The following MYH10 variants were observed in gnomAD, a reference collection of about 807,000 sequenced individuals.
MYH10 encodes the protein myosin-10.
MYH10 carries 55 observed loss-of-function variants against 257.8 expected under a neutral mutation model. That is an observed-to-expected ratio of 0.21 (90% CI 0.17 to 0.27). The LOEUF (loss-of-function observed/expected upper bound fraction) is 0.27, where lower values mean the gene tolerates loss of function less well. Ranked by LOEUF, MYH10 falls within the 10% of genes least tolerant of loss-of-function variation. The probability of loss-of-function intolerance (pLI) is 1.00; values close to 1 mark genes in which losing one functional copy is unlikely to be tolerated. For missense variants in MYH10, 1,631 were observed against 2,500.6 expected (o/e 0.65, Z 7.42); for synonymous variants, 854 against 921.7 (o/e 0.93, Z 1.33).
chr17:8,485,547 T>C (rs1230288884), intron 36 of MYH10, among the ~76,000 whole-genome samples: 2 of 149,510 alleles, frequency 1.3e-5, no homozygotes, highest in African/African-American at 2.5e-5. Flanking sequence ...GAATACAGAA[T>C]TGTTTCAACT....
At chr17:8,534,398 C>T (rs2082085225) in intron 16 of MYH10, among the ~76,000 whole-genome samples, 1 of 152,238 alleles carries the variant, frequency 6.6e-6, no homozygotes, top group African/African-American at 2.4e-5. Flanking sequence ...CTGCAGCTCC[C>T]TCACACTGAC....
intron 16 of MYH10, among the ~76,000 whole-genome samples, chr17:8,533,174 A>G (rs1012563976): frequency 1.5e-4 from 23 of 151,996 alleles, no homozygotes; most frequent in African/African-American, 5.5e-4. Context: ...ACTCCAATCT[A>G]CCCAAAACAC....
intron 7 of MYH10, chr17:8,561,302 A>T: frequency 9.2e-7 from 1 of 1,085,544 alleles, no homozygotes; most frequent in Non-Finnish European, 1.4e-6. Flanking sequence ...TCGCTGCACT[A>T]ACTGTGCCCG....
chr17:8,569,891 A>G lies in MYH10; in HGVS notation c.664-79T>C. On this transcript the variant is annotated intron_variant, in intron 6 of 42. Transcript: ENST00000360416. This position sits in a 1 kb window ranked among gnomAD's most constrained non-coding sequence, Gnocchi z 4.1. ...CTTTACTCAAGTCATCAGGGGAAAA[A>G]TTTCTAAAAAAGAAACTGCATCTTT... 4 of 1,092,772 alleles carry G rather than the reference A, an allele frequency of 3.7e-6. No individual in the cohort carries two copies. The highest frequency in any genetic ancestry group is 5.2e-6 in the Non-Finnish European group (4 of 769,168). 67.7% of individuals were successfully genotyped at this position (1,092,772 alleles called of 1,614,324 possible).
chr17:8,566,795 C>T (rs1327286410), intron 7 of MYH10, among the ~76,000 whole-genome samples: 1 of 152,318 alleles, frequency 6.6e-6, no homozygotes, highest in South Asian at 2.1e-4. Context: ...TCTGTCCAAA[C>T]ACTAAAATAA....
At chr17:8,609,002 G>T (rs903168861) in intron 2 of MYH10, among the ~76,000 whole-genome samples, 2 of 152,110 alleles carry the variant, frequency 1.3e-5, no homozygotes, top group African/African-American at 4.8e-5. Flanking sequence ...TAGTAGAGAC[G>T]GGGTTTCACT....
At chr17:8,514,578 A>C (rs925332174) in intron 21 of MYH10, among the ~76,000 whole-genome samples, 1 of 151,808 alleles carries the variant, frequency 6.6e-6, no homozygotes, top group African/African-American at 2.4e-5. Context: ...CCTTCACTCT[A>C]CTATTTTTCA....
Position 8,493,900 on chromosome 17 carries a change from T to TA in MYH10, c.4057-16dup, listed in dbSNP as rs774776089. On this transcript the variant is annotated splice_polypyrimidine_tract_variant and intron_variant, in intron 31 of 42. Coordinates refer to ENST00000360416, the MANE Select transcript of MYH10 (RefSeq NM_001256012.3). ...TGAAGAAGCTCCTGTGTTTTTTTTT[T>TA]AAAGGGCAACACTTCCATTACATTT... The TA allele has an allele frequency of 5.0e-6, 8 of 1,588,762 alleles. No homozygotes were observed. The highest frequency in any genetic ancestry group is 1.4e-5 in the African/African-American group (1 of 73,182).
chr17:8,581,737 T>C (rs983147044), intron 4 of MYH10, among the ~76,000 whole-genome samples: 7 of 152,176 alleles, frequency 4.6e-5, no homozygotes, highest in African/African-American at 1.7e-4. Context: ...CTAAAGCATA[T>C]AGATGACATT....
In MYH10 at chr17:8,475,477, C is replaced by T. The variant is rs936741908; in HGVS notation, c.*327G>A. 15 of 230,944 alleles carry T rather than the reference C, an allele frequency of 6.5e-5. No individual in the cohort carries two copies. The highest frequency in any genetic ancestry group is 3.0e-4 in the African/African-American group (13 of 43,842). The allele number at this position is 230,944 out of a possible 1,614,324, so 14.3% of individuals were successfully genotyped here. A position where few individuals can be genotyped will look rare whatever the true frequency, so the allele number is the denominator to read the frequency against. On this transcript the variant is annotated 3_prime_UTR_variant, in exon 43 of 43. Coordinates refer to ENST00000360416, the MANE Select transcript of MYH10 (RefSeq NM_001256012.3). ...CCACGGCGCTGCCCCAATAACCCAGCGACCCGCAACCAAGGGCCTGGAGTT... is the reference window on the plus strand; with the variant it reads ...CCACGGCGCTGCCCCAATAACCCAGTGACCCGCAACCAAGGGCCTGGAGTT...
intron 40 of MYH10, among the ~76,000 whole-genome samples, chr17:8,479,016 G>A (rs537644715): frequency 5.2e-4 from 79 of 152,372 alleles, no homozygotes; most frequent in African/African-American, 1.5e-3. Flanking sequence ...ACAGCCGTGA[G>A]CCAGCGCACC....
chr17:8,603,904 C>T (rs1340358494), intron 3 of MYH10, among the ~76,000 whole-genome samples: 1 of 152,028 alleles, frequency 6.6e-6, no homozygotes, highest in Non-Finnish European at 1.5e-5. Flanking sequence ...TCCTGTTTGC[C>T]CTGGAAGATC....
Position 8,607,345 on chromosome 17 carries a change from T to C in MYH10, c.346-2363A>G, listed in dbSNP as rs558749873. On this transcript the variant is annotated intron_variant, in intron 2 of 42. Transcript: ENST00000360416. The stretch of plus-strand genomic sequence containing the variant: ...ATGGTAACAGATAATAACTGACACA[T>C]TTAATCAGAAGTAATTCCAACATGT... 4.6e-5 allele frequency among the ~76,000 whole-genome samples: 7 copies of C among 152,308 alleles called. No homozygotes were observed. The East Asian group carries it at 1.4e-3, about 29-fold the overall frequency.
Position 8,546,677 on chromosome 17 carries a change from G to A in MYH10, c.1160-15C>T, listed in dbSNP as rs1205077872. 2 of 1,598,448 alleles carry A rather than the reference G, an allele frequency of 1.3e-6. No homozygotes were observed. Among genetic ancestry groups the A allele is most frequent in the South Asian group, 1.1e-5 (1 of 90,344 alleles). Reference sequence around the variant, plus strand: ...CTTCTGCGCAACTGAAGTGTAAAAAGTCTCCTAAATCCTACATTTTTTACT... The same window carrying A: ...CTTCTGCGCAACTGAAGTGTAAAAAATCTCCTAAATCCTACATTTTTTACT... On this transcript the variant is annotated splice_polypyrimidine_tract_variant and intron_variant, in intron 11 of 42. Coordinates refer to ENST00000360416, the MANE Select transcript of MYH10 (RefSeq NM_001256012.3).
chr17:8,546,457 T>A (rs1263371676), intron 12 of MYH10, 87 bp downstream of exon 12: 1 of 1,011,184 alleles, frequency 9.9e-7, no homozygotes, highest in East Asian at 2.4e-5. Context: ...TTATATTGAT[T>A]CAGTTTGTTA....
chr17:8,615,821 C>T (rs2085240036), intron 2 of MYH10, among the ~76,000 whole-genome samples: 1 of 152,096 alleles, frequency 6.6e-6, no homozygotes, highest in Admixed American at 6.5e-5. Flanking sequence ...GATAAAGAAT[C>T]AGTATTTAAA....
In MYH10 at chr17:8,545,752, G is replaced by C; in HGVS notation, c.1279-152C>G. 1 of 721,338 alleles carries C rather than the reference G, an allele frequency of 1.4e-6. No homozygotes were observed. Among genetic ancestry groups the C allele is most frequent in the South Asian group, 2.0e-5 (1 of 50,020 alleles). 44.7% of individuals were successfully genotyped at this position (721,338 alleles called of 1,614,324 possible). On this transcript the variant is annotated intron_variant, in intron 12 of 42. Coordinates refer to ENST00000360416, the MANE Select transcript of MYH10 (RefSeq NM_001256012.3). The surrounding 1 kb of genome is among the most constrained non-coding windows in gnomAD (Gnocchi z 4.7). ...GTCTCAATTTTACACATCAATAGAA[G>C]GCAATATTAGAAGAATTAAATGAAC...
At chr17:8,568,659 T>A (rs2083239033) in intron 7 of MYH10, among the ~76,000 whole-genome samples, 1 of 152,088 alleles carries the variant, frequency 6.6e-6, no homozygotes, top group South Asian at 2.1e-4. Flanking sequence ...CCTTCTTCAA[T>A]CTAACAGTGG....
At chr17:8,485,622 C>T (rs1262277468) in intron 36 of MYH10, among the ~76,000 whole-genome samples, 1 of 152,112 alleles carries the variant, frequency 6.6e-6, no homozygotes, top group Non-Finnish European at 1.5e-5. Flanking sequence ...AAATAAAAGC[C>T]ACAATGAAAT....
Sources: allele counts gnomAD v4.1 joint callset (sites outside exome capture counted in the v4.1 genomes callset), GRCh38; gene constraint gnomAD v4.1.1; non-coding constraint Gnocchi (gnomAD v3.1); transcripts MANE v1.5; gene names NCBI Gene and HGNC (gene_info 2026-07-23, HGNC 2026-07-21).